The following KCNB2 variants were observed in gnomAD, a reference collection of about 807,000 sequenced individuals.
KCNB2 encodes delayed rectifier potassium channel protein.
A neutral mutation model predicts 61.5 loss-of-function variants in KCNB2; 15 were observed. That is an observed-to-expected ratio of 0.24 (90% confidence interval 0.16 to 0.38). The LOEUF (loss-of-function observed/expected upper bound fraction) is 0.38. KCNB2 is among the 10% of genes least tolerant of loss of function. The probability of loss-of-function intolerance (pLI) is 1.00; values close to 1 mark genes in which losing one functional copy is unlikely to be tolerated. For synonymous variants in KCNB2, 457 were observed against 446.0 expected, an observed-to-expected ratio of 1.02 and a Z score of -0.31; for missense variants, 828 against 1,125.2, an observed-to-expected ratio of 0.74 and a Z score of 3.78.
At chr8:72,863,467 T>TA (rs999871493) in intron 2 of KCNB2, among the ~76,000 whole-genome samples, 2 of 152,180 alleles carry the variant, frequency 1.3e-5, no homozygotes, top group African/African-American at 2.4e-5. Context: ...CCAGGTCAAC[T>TA]AAAAAATCCT....
At chr8:72,725,510 CATATATATATAT>C (rs774224955) in intron 2 of KCNB2, among the ~76,000 whole-genome samples, 10 of 58,910 alleles carry the variant, frequency 1.7e-4, no homozygotes, top group Admixed American at 1.4e-3. Flanking sequence ...TCTTTGTCTT[CATATATATATAT>C]ATATATATAT....
At chr8:72,709,006 T>C (rs1807279361) in intron 2 of KCNB2, among the ~76,000 whole-genome samples, 1 of 152,158 alleles carries the variant, frequency 6.6e-6, no homozygotes, top group African/African-American at 2.4e-5. Flanking sequence ...TCCTGCCAGA[T>C]TGTTAAGGAG....
At chr8:72,760,140 G>A (rs968213448) in intron 2 of KCNB2, among the ~76,000 whole-genome samples, 2 of 152,194 alleles carry the variant, frequency 1.3e-5, no homozygotes, top group African/African-American at 4.8e-5. Flanking sequence ...AAGCCCAGAT[G>A]TCATGGAAAG....
At chr8:72,699,406 C>T (rs934876952) in intron 2 of KCNB2, among the ~76,000 whole-genome samples, 3 of 151,296 alleles carry the variant, frequency 2.0e-5, no homozygotes, top group African/African-American at 7.3e-5. Flanking sequence ...TGAGAAGTGT[C>T]TGTTCATACT....
chr8:72,923,407 A>G (rs1473813555), intron 2 of KCNB2, among the ~76,000 whole-genome samples: 1 of 152,148 alleles, frequency 6.6e-6, no homozygotes, highest in Non-Finnish European at 1.5e-5. Flanking sequence ...ACTTGGATTT[A>G]TTTTAGGGCC....
chr8:72,742,630 A>G (rs75351243), intron 2 of KCNB2, among the ~76,000 whole-genome samples: 6,669 of 152,082 alleles, frequency 0.044, 466 homozygotes, highest in African/African-American at 0.15. Flanking sequence ...GTGGTGATCA[A>G]CCTCCTCATC....
chr8:72,590,305 T>TCTC lies in KCNB2; in HGVS notation c.579+21992_579+21993insCTC, dbSNP rs1269336775. ...AATTTTACCAAATCCAAAAACAAAATAAGAATGGAGGTGTCTTCCTGAGAT... is the reference window on the plus strand; with the variant it reads ...AATTTTACCAAATCCAAAAACAAAATCTCAAGAATGGAGGTGTCTTCCTGAGAT... On this transcript the variant is annotated intron_variant, in intron 2 of 2. Transcript: ENST00000523207. Among the ~76,000 whole-genome samples, 3 of 152,148 alleles carry TCTC rather than the reference T, an allele frequency of 2.0e-5. No homozygotes were observed. In the East Asian group the frequency reaches 5.8e-4, roughly 29 times the overall value.
intron 2 of KCNB2, among the ~76,000 whole-genome samples, chr8:72,587,006 T>C (rs1807010513): frequency 6.6e-6 from 1 of 151,970 alleles, no homozygotes; most frequent in Non-Finnish European, 1.5e-5. Flanking sequence ...ATACGGCCTA[T>C]TGATAGCAAA....
chr8:72,626,653 C>G (rs1347123258), intron 2 of KCNB2, among the ~76,000 whole-genome samples: 1 of 152,162 alleles, frequency 6.6e-6, no homozygotes, highest in Non-Finnish European at 1.5e-5. Flanking sequence ...AGAGACTAAA[C>G]CTTAGAAAGC....
At chr8:72,850,872 A>G (rs1810090373) in intron 2 of KCNB2, among the ~76,000 whole-genome samples, 1 of 147,924 alleles carries the variant, frequency 6.8e-6, no homozygotes, top group Non-Finnish European at 1.5e-5. Context: ...TCAATCTTAA[A>G]AATTTCTTCT....
chr8:72,544,331 C>G (rs1806230289), intron 1 of KCNB2, among the ~76,000 whole-genome samples: 1 of 152,162 alleles, frequency 6.6e-6, no homozygotes, highest in African/African-American at 2.4e-5. Flanking sequence ...CATCCTACAT[C>G]ATTTGGATTT....
At chr8:72,832,705 C>G (rs1343229039) in intron 2 of KCNB2, among the ~76,000 whole-genome samples, 1 of 152,178 alleles carries the variant, frequency 6.6e-6, no homozygotes, top group Non-Finnish European at 1.5e-5. Flanking sequence ...AGACAAAGGA[C>G]TTTATTACTG....
At chr8:72,625,564 G>A (rs1306568661) in intron 2 of KCNB2, among the ~76,000 whole-genome samples, 1 of 152,104 alleles carries the variant, frequency 6.6e-6, no homozygotes, top group Non-Finnish European at 1.5e-5. Context: ...CTAAGTAGCT[G>A]AGACTACAGG....
intron 2 of KCNB2, among the ~76,000 whole-genome samples, chr8:72,715,894 T>G (rs1480426403): frequency 1.3e-5 from 2 of 151,764 alleles, no homozygotes; most frequent in Non-Finnish European, 2.9e-5. Context: ...GAAAAGATCA[T>G]CAAAATTGAT....
At chr8:72,611,416 C>T (rs1431893255) in intron 2 of KCNB2, among the ~76,000 whole-genome samples, 3 of 152,204 alleles carry the variant, frequency 2.0e-5, no homozygotes, top group African/African-American at 7.2e-5. Flanking sequence ...GCTTGCAACT[C>T]TTGGGTATTT....
rs189151036 is a variant in KCNB2 at position 72,793,465 on chromosome 8, T to C, written c.580-142470T>C. On this transcript the variant is annotated intron_variant, in intron 2 of 2. Coordinates refer to ENST00000523207, the MANE Select transcript of KCNB2 (RefSeq NM_004770.3). The stretch of plus-strand genomic sequence containing the variant: ...TCCCTAAGCAGGAATGGGCTTAGTG[T>C]GCTAAAATACCACGAAGGAAAGCAA... Among the ~76,000 whole-genome samples, 5 of 152,234 alleles carry C rather than the reference T, an allele frequency of 3.3e-5. No homozygotes were observed. The East Asian group carries it at 9.7e-4, about 29-fold the overall frequency.
At chr8:72,745,402 A>G (rs1401324124) in intron 2 of KCNB2, among the ~76,000 whole-genome samples, 1 of 152,156 alleles carries the variant, frequency 6.6e-6, no homozygotes, top group Non-Finnish European at 1.5e-5. Context: ...ACGCTCACTC[A>G]TGACCAACTG....
intron 2 of KCNB2, among the ~76,000 whole-genome samples, chr8:72,841,656 G>A (rs967172427): frequency 3.9e-5 from 6 of 152,048 alleles, no homozygotes; most frequent in Admixed American, 1.3e-4. Context: ...CACATCCCTC[G>A]TAAGTTGTAT....
chr8:72,569,336 A>G (rs139880987), intron 2 of KCNB2, among the ~76,000 whole-genome samples: 358 of 152,312 alleles, frequency 2.4e-3, no homozygotes, highest in African/African-American at 8.3e-3. Context: ...CGTGAACAGT[A>G]ATGATTTCAG....
Sources: allele counts gnomAD v4.1 joint callset (sites outside exome capture counted in the v4.1 genomes callset), GRCh38; gene constraint gnomAD v4.1.1; transcripts MANE v1.5; gene names NCBI Gene and HGNC (gene_info 2026-07-23, HGNC 2026-07-21).